The following GPN3 variants were observed in gnomAD, a reference collection of about 807,000 sequenced individuals.
The protein encoded by GPN3 is ATP-binding domain 1 family member C.
In GPN3, 31 loss-of-function variants were observed where a neutral mutation model predicts 38.7. The observed-to-expected ratio is 0.80, with a 90% CI of 0.60 to 1.08. GPN3 has a LOEUF of 1.08. Among genes scored for constraint, GPN3 ranks in the 50% least tolerant of loss-of-function variants. The pLI is 0.00. For synonymous variants in GPN3, 116 were observed against 120.2 expected, an observed-to-expected ratio of 0.96 and a Z score of 0.23; for missense variants, 301 against 354.4, an observed-to-expected ratio of 0.85 and a Z score of 1.21.
upstream of GPN3, chr12:110,468,367 A>C: frequency 6.6e-7 from 1 of 1,524,726 alleles, no homozygotes; most frequent in South Asian, 1.2e-5. Context: ...ATCCCGTGAG[A>C]AACGCGTCCT....
chr12:110,457,016 G>C (rs2062554887), intron 4 of GPN3, among the ~76,000 whole-genome samples: 1 of 151,830 alleles, frequency 6.6e-6, no homozygotes, highest in South Asian at 2.1e-4. Context: ...TTTTTTCTTG[G>C]TAAGCAGTTC....
At chr12:110,467,418 T>C (rs1366470454) in intron 1 of GPN3, among the ~76,000 whole-genome samples, 2 of 152,212 alleles carry the variant, frequency 1.3e-5, no homozygotes, top group African/African-American at 2.4e-5. Flanking sequence ...GAAAACCACT[T>C]ATATTTGACA....
At chr12:110,468,569 C>A (rs1277823250), upstream of GPN3, 25 of 1,537,134 alleles carry the variant, frequency 1.6e-5, no homozygotes, top group Non-Finnish European at 2.2e-5. Flanking sequence ...TGGTGACCCT[C>A]GCGATTTGCA....
At position 110,457,611 on chromosome 12, in the gene GPN3, G is replaced by A. The variant is rs1165505670; in HGVS notation, c.349C>T (p.Leu117=). The change falls in exon 4 of 8, where the codon CTG becomes TTG. Residue 117 remains leucine (L), a synonymous_variant. Coordinates refer to ENST00000228827, the MANE Select transcript of GPN3 (RefSeq NM_016301.4). Reference sequence around the variant, plus strand: ...TGGACCAGCTGTTTCATCACAGGCAGGTGAGTGTACAACTCAATCTGACCT... The same window carrying A: ...TGGACCAGCTGTTTCATCACAGGCAAGTGAGTGTACAACTCAATCTGACCT... ...CPGQIELYTH[L]PVMKQLVQQL... is the part of the protein sequence containing the mutation. The A allele has an allele frequency of 1.2e-6, 2 of 1,603,974 alleles. No homozygotes were observed. Among genetic ancestry groups the A allele is most frequent in the Non-Finnish European group, 8.5e-7 (1 of 1,173,302 alleles).
At position 110,459,841 on chromosome 12, in the gene GPN3, A is replaced by G; in HGVS notation, c.179T>C (p.Val60Ala). The G allele has an allele frequency of 1.2e-6, 2 of 1,613,954 alleles. No individual in the cohort carries two copies. The highest frequency in any genetic ancestry group is 1.7e-6 in the Non-Finnish European group (2 of 1,179,878). The change falls in exon 3 of 8, where the codon GTG becomes GCG. Residue 60 changes from valine to alanine, a missense_variant. Val to Ala is a moderately conservative substitution (Grantham distance 64). Coordinates refer to ENST00000228827, the MANE Select transcript of GPN3 (RefSeq NM_016301.4). The part of the protein sequence containing the change: ...VMADIRELIE[V>A]DDVMEDDSLR... ...AGAATCATCCTCCATTACATCATCC[A>G]CCTCGATCAGTTCCCGGATGTCTGA...
intron 2 of GPN3, among the ~76,000 whole-genome samples, chr12:110,462,361 C>T (rs2062595419): frequency 6.6e-6 from 1 of 152,136 alleles, no homozygotes; most frequent in African/African-American, 2.4e-5. Context: ...AAACCTAAAA[C>T]GACCTGTCTC....
At chr12:110,459,121 G>A (rs976211818) in intron 3 of GPN3, among the ~76,000 whole-genome samples, 2 of 152,144 alleles carry the variant, frequency 1.3e-5, no homozygotes, top group African/African-American at 4.8e-5. Flanking sequence ...GATGCTTTTT[G>A]TTTGTACTGT....
chr12:110,459,464 T>A lies in GPN3; in HGVS notation c.325+231A>T, dbSNP rs553654981. Among the ~76,000 whole-genome samples the A allele has an allele frequency of 4.6e-5, 7 of 152,194 alleles. No individual in the cohort carries two copies. In the East Asian group the frequency reaches 1.4e-3, roughly 29 times the overall value. ...ACCATGTTAGCCAGGATGGTCTCGA[T>A]CTCCTGACCTCGTGATCCACCTGCC... On this transcript the variant is annotated intron_variant, in intron 3 of 7. Transcript: ENST00000228827.
intron 6 of GPN3, among the ~76,000 whole-genome samples, chr12:110,454,596 C>T (rs2062536932): frequency 1.3e-5 from 2 of 152,126 alleles, no homozygotes; most frequent in Admixed American, 1.3e-4. Context: ...AAGTGATCCA[C>T]CTGCCTTGGC....
chr12:110,456,632 A>C (rs2062551642), intron 4 of GPN3, among the ~76,000 whole-genome samples: 1 of 152,042 alleles, frequency 6.6e-6, no homozygotes, highest in Admixed American at 6.6e-5. Flanking sequence ...AGAAAATTAA[A>C]AATAGACTAT....
At chr12:110,464,233 C>T (rs976619761) in intron 2 of GPN3, among the ~76,000 whole-genome samples, 1 of 152,104 alleles carries the variant, frequency 6.6e-6, no homozygotes, top group African/African-American at 2.4e-5. Flanking sequence ...CAAAGATCCC[C>T]TCCTCAGAGT....
Position 110,459,798 on chromosome 12 carries a change from G to T in GPN3, c.222C>A (p.Asn74Lys). 6.2e-7 allele frequency: 1 copy of T among 1,613,320 alleles called. No homozygotes were observed. The highest frequency in any genetic ancestry group is 8.5e-7 in the Non-Finnish European group (1 of 1,179,252). The change falls in exon 3 of 8, where the codon AAC (asparagine) becomes AAA (lysine). Residue 74 changes from asparagine to lysine, a missense_variant. Transcript: ENST00000228827. The part of the protein sequence containing the change: ...MEDDSLRFGP[N>K]GGLVFCMEYF... ...ACTCCATGCAAAATACCAATCCTCC[G>T]TTGGGACCGAATCGCAGAGAATCAT...
In GPN3 at chr12:110,453,883, G is replaced by C. The variant is rs1295890750; in HGVS notation, c.664-12C>G. 1.9e-6 allele frequency: 3 copies of C among 1,585,700 alleles called. No homozygotes were observed. Among genetic ancestry groups the C allele is most frequent in the Non-Finnish European group, 2.6e-6 (3 of 1,164,410 alleles). On this transcript the variant is annotated splice_polypyrimidine_tract_variant and intron_variant, in intron 6 of 7. Coordinates refer to ENST00000228827, the MANE Select transcript of GPN3 (RefSeq NM_016301.4). ...CTGTAGTCATCAATCTACAAGTTGTGGATTTCAAGAAAAGTTCATTCTGAA... is the reference window on the plus strand; with the variant it reads ...CTGTAGTCATCAATCTACAAGTTGTCGATTTCAAGAAAAGTTCATTCTGAA...
chr12:110,465,317 A>G, intron 1 of GPN3, 103 bp from the exon 2 acceptor site: 1 of 743,222 alleles, frequency 1.3e-6, no homozygotes, highest in Admixed American at 1.9e-5. Flanking sequence ...TGCCTTCATC[A>G]ACCAAGAGGC....
Position 110,465,184 on chromosome 12 carries a change from A to G in GPN3, c.79T>C (p.Cys27Arg). 2 of 1,610,246 alleles carry G rather than the reference A, an allele frequency of 1.2e-6. No homozygotes were observed. The highest frequency in any genetic ancestry group is 1.7e-6 in the Non-Finnish European group (2 of 1,176,424). ...TGGACAGACCGGTTGAGGGCTTCAC[A>G]GTGCTGGACCATGGTGGCACAGTAG... ...STYCATMVQH[C>R]EALNRSVQVV... Residue 27 changes from cysteine (C) to arginine (R), a missense_variant, in exon 2 of 8, where the codon TGT becomes CGT. Coordinates refer to ENST00000228827, the MANE Select transcript of GPN3 (RefSeq NM_016301.4).
chr12:110,460,150 G>A (rs2062576942), intron 2 of GPN3, among the ~76,000 whole-genome samples: 1 of 152,146 alleles, frequency 6.6e-6, no homozygotes. Context: ...AATGCAAGGT[G>A]CAGAACTGTG....
intron 2 of GPN3, among the ~76,000 whole-genome samples, chr12:110,463,238 G>C (rs2062603173): frequency 6.6e-6 from 1 of 151,798 alleles, no homozygotes. Context: ...TGGAAATCGA[G>C]ACCAGCCTGG....
chr12:110,457,457 CAAAAAAAAAAAAAAA>C (rs56713819), intron 4 of GPN3, 38 bp downstream of exon 4: 6 of 590,714 alleles, frequency 1.0e-5, no homozygotes, highest in South Asian at 7.4e-5. Context: ...GTCACACACA[CAAAAAAAAAAAAAAA>C]AAAAAAAAAA....
intron 2 of GPN3, chr12:110,461,290 G>A (rs2062587292): frequency 7.7e-7 from 1 of 1,293,406 alleles, no homozygotes; most frequent in Non-Finnish European, 1.1e-6. Context: ...CACCAAATAA[G>A]CCATATACTT....
Sources: gnomAD v4.1 joint callset for allele counts (sites outside exome capture counted in the v4.1 genomes callset) on GRCh38, gnomAD v4.1.1 for gene constraint, MANE v1.5 for transcripts, NCBI Gene and HGNC (gene_info 2026-07-23, HGNC 2026-07-21) for gene names.